CLCA4: variants seen among roughly 807,000 people sequenced by gnomAD.
The protein encoded by CLCA4 is calcium-activated chloride channel regulator 4.
A neutral mutation model predicts 78.9 loss-of-function variants in CLCA4; 69 were observed. The ratio of observed to expected loss-of-function variants is 0.87; its 90% CI spans 0.72 to 1.07. The LOEUF is 1.07. Among genes scored for constraint, CLCA4 ranks in the 50% least tolerant of loss-of-function variants. The pLI, the probability that CLCA4 is intolerant of heterozygous loss-of-function variation, is 0.00. For synonymous variants in CLCA4, 362 were observed against 375.8 expected, an observed-to-expected ratio of 0.96 and a Z score of 0.42; for missense variants, 1,133 against 1,095.8, an observed-to-expected ratio of 1.03 and a Z score of -0.48.
At chr1:86,551,128 G>A (rs1329154650) in intron 1 of CLCA4, among the ~76,000 whole-genome samples, 1 of 152,124 alleles carries the variant, frequency 6.6e-6, no homozygotes, top group East Asian at 1.9e-4. Context: ...ACCGCACCCA[G>A]CCTCTTTTTT....
At chr1:86,562,680 C>G (rs918550801) in intron 3 of CLCA4, among the ~76,000 whole-genome samples, 1 of 151,760 alleles carries the variant, frequency 6.6e-6, no homozygotes. Flanking sequence ...TGGTGAAACC[C>G]CATCTCTACG....
rs549029959 is a variant in CLCA4, at chr1:86,561,528, T to C, written c.448+1170T>C. The stretch of plus-strand genomic sequence containing the variant: ...CTACTCAACAATATTTTTACTCAGC[T>C]CTTCTCAACTCTCTTTCTCAATTCC... On this transcript the variant is annotated intron_variant, in intron 3 of 13. Coordinates refer to ENST00000370563, the MANE Select transcript of CLCA4 (RefSeq NM_012128.4). 7.9e-5 allele frequency among the ~76,000 whole-genome samples: 12 copies of C among 152,196 alleles called. No homozygotes were observed. The South Asian group carries it at 2.5e-3, about 32-fold the overall frequency.
intron 6 of CLCA4, among the ~76,000 whole-genome samples, chr1:86,566,303 T>C (rs956184208): frequency 7.9e-5 from 12 of 151,976 alleles, no homozygotes; most frequent in African/African-American, 2.9e-4. Context: ...TTCCCAACAA[T>C]GTCCTGCGCA....
intron 7 of CLCA4, 78 bp downstream of exon 7, chr1:86,567,729 C>A: frequency 1.8e-6 from 2 of 1,119,326 alleles, no homozygotes; most frequent in Non-Finnish European, 1.3e-6. Context: ...ACTGCACATG[C>A]TTGCTTGCTG....
chr1:86,579,978 T>C lies in CLCA4; in HGVS notation c.2393T>C (p.Leu798Pro), dbSNP rs767240042. The C allele has an allele frequency of 3.4e-5, 55 of 1,601,434 alleles. 1 individual carries two copies. In the East Asian group the frequency reaches 1.2e-3, roughly 35 times the overall value. ...ATCATAAGAATAAGTGCAAGTATTC[T>C]TGATCTAAGAGACAGTTTTGATGAT... is the stretch of plus-strand genomic sequence containing the variant. ...RYIIRISASI[L>P]DLRDSFDDAL... is the part of the protein sequence containing the mutation. Residue 798 changes from leucine to proline, a missense_variant, in exon 14 of 14, where the codon CTT (leucine) becomes CCT (proline). Transcript: ENST00000370563.
chr1:86,577,784 G>C (rs758176442), intron 11 of CLCA4, 118 bp from the exon 12 acceptor site: 9 of 716,130 alleles, frequency 1.3e-5, no homozygotes, highest in Middle Eastern at 3.7e-4. Flanking sequence ...TTCTCCAAAG[G>C]GTCAATCTAA....
At chr1:86,574,844 T>G (rs1650461753) in intron 10 of CLCA4, 89 bp downstream of exon 10, 2 of 912,888 alleles carry the variant, frequency 2.2e-6, no homozygotes, top group East Asian at 4.9e-5. Flanking sequence ...TACCAAAGGC[T>G]GTATCAACTT....
At chr1:86,570,267 C>A (rs571468991) in intron 7 of CLCA4, among the ~76,000 whole-genome samples, 1 of 152,010 alleles carries the variant, frequency 6.6e-6, no homozygotes, top group African/African-American at 2.4e-5. Flanking sequence ...ACCTCTTGGC[C>A]TGGAATCAAG....
At chr1:86,555,862 T>C (rs1649825318) in intron 1 of CLCA4, among the ~76,000 whole-genome samples, 2 of 152,210 alleles carry the variant, frequency 1.3e-5, no homozygotes, top group South Asian at 4.1e-4. Flanking sequence ...TTGTGTCTTC[T>C]CTGACACAAT....
intron 1 of CLCA4, among the ~76,000 whole-genome samples, chr1:86,555,205 A>T (rs1341016895): frequency 6.6e-6 from 1 of 152,096 alleles, no homozygotes; most frequent in Non-Finnish European, 1.5e-5. Context: ...CAAGCTCTTA[A>T]GTTTAATTAG....
intron 3 of CLCA4, among the ~76,000 whole-genome samples, chr1:86,562,893 G>T (rs1342076566): frequency 6.8e-6 from 1 of 148,102 alleles, no homozygotes; most frequent in Admixed American, 6.7e-5. Flanking sequence ...AAAAAGAAAA[G>T]AAACATGACT....
chr1:86,565,951 T>C lies in CLCA4; in HGVS notation c.885T>C (p.Pro295=). The C allele has an allele frequency of 6.2e-7, 1 of 1,613,364 alleles. No individual in the cohort carries two copies. The highest frequency in any genetic ancestry group is 8.5e-7 in the Non-Finnish European group (1 of 1,179,434). ...TIPMVTPPPP[P]VFSLLKISQR... is the part of the protein sequence containing the mutation. ...CCATGGTGACACCACCTCCTCCACCTGTCTTCTCATTGCTGAAGATCAGTC... is the reference window on the plus strand; with the variant it reads ...CCATGGTGACACCACCTCCTCCACCCGTCTTCTCATTGCTGAAGATCAGTC... The change falls in exon 6 of 14, where the codon CCT becomes CCC. Residue 295 remains proline, a synonymous_variant. Coordinates refer to ENST00000370563, the MANE Select transcript of CLCA4 (RefSeq NM_012128.4).
intron 5 of CLCA4, 70 bp from the exon 6 acceptor site, chr1:86,565,732 T>C: frequency 1.0e-6 from 1 of 954,276 alleles, no homozygotes; most frequent in Non-Finnish European, 1.5e-6. Context: ...TTTTAAATTT[T>C]TCAGGTTTGT....
At chr1:86,551,123 A>G (rs1001162334) in intron 1 of CLCA4, among the ~76,000 whole-genome samples, 6 of 151,764 alleles carry the variant, frequency 4.0e-5, no homozygotes, top group Non-Finnish European at 7.4e-5. Context: ...GAGCCACCGC[A>G]CCCAGCCTCT....
intron 1 of CLCA4, chr1:86,553,105 C>T (rs1352696900): frequency 9.4e-6 from 7 of 743,406 alleles, no homozygotes; most frequent in African/African-American, 8.7e-5. Context: ...CTGGGGTGTG[C>T]GCCGTATCCC....
rs372557354 is a variant in CLCA4 at position 86,571,208 on chromosome 1, G to A, written c.1314G>A (p.Leu438=). The A allele has an allele frequency of 1.9e-6, 3 of 1,612,594 alleles. No homozygotes were observed. Among genetic ancestry groups the A allele is most frequent in the East Asian group, 2.2e-5 (1 of 44,862 alleles). The change falls in exon 8 of 14, where the codon TTG becomes TTA. Residue 438 remains leucine, a synonymous_variant. Coordinates refer to ENST00000370563, the MANE Select transcript of CLCA4 (RefSeq NM_012128.4). ...GGGCCATTGTTCATTTTATTGCTTT[G>A]GGAAGAGCTGCTGATGAAGCAGTAA... is the stretch of plus-strand genomic sequence containing the variant. The part of the protein sequence containing the change: ...QSGAIVHFIA[L]GRAADEAVIE...
At position 86,560,378 on chromosome 1, in the gene CLCA4, A is replaced by T; in HGVS notation, c.448+20A>T. The T allele has an allele frequency of 6.2e-7, 1 of 1,612,708 alleles. No individual in the cohort carries two copies. Among genetic ancestry groups the T allele is most frequent in the Non-Finnish European group, 8.5e-7 (1 of 1,179,454 alleles). Reference sequence around the variant, plus strand: ...CACCAGGTAGAAATTTTGGTTAAAAAATAATTTTGCAGTGATTGCAGCATA... The same window carrying T: ...CACCAGGTAGAAATTTTGGTTAAAATATAATTTTGCAGTGATTGCAGCATA... On this transcript the variant is annotated intron_variant, in intron 3 of 13. Coordinates refer to ENST00000370563, the MANE Select transcript of CLCA4 (RefSeq NM_012128.4).
At position 86,574,650 on chromosome 1, in the gene CLCA4, G is replaced by GC. The variant is rs1304028646; in HGVS notation, c.1580dup (p.Pro528SerfsTer72). The GC allele has an allele frequency of 1.2e-6, 2 of 1,613,084 alleles. No individual in the cohort carries two copies. The highest frequency in any genetic ancestry group is 1.7e-6 in the Non-Finnish European group (2 of 1,179,470). ...TCTTTCTCATCACATGGAACAGTCT[G>GC]CCTCCCAGTATTTCTCTCTGGGATC... On this transcript the variant is annotated frameshift_variant, in exon 10 of 14. Coordinates refer to ENST00000370563, the MANE Select transcript of CLCA4 (RefSeq NM_012128.4). LOFTEE classifies it high-confidence loss of function.
At chr1:86,557,541 C>G (rs1325693479) in intron 1 of CLCA4, among the ~76,000 whole-genome samples, 1 of 152,094 alleles carries the variant, frequency 6.6e-6, no homozygotes, top group African/African-American at 2.4e-5. Context: ...TGTTCTTACT[C>G]TTGAATTCTA....
Sources: gnomAD v4.1 joint callset for allele counts (sites outside exome capture counted in the v4.1 genomes callset) on GRCh38, gnomAD v4.1.1 for gene constraint, MANE v1.5 for transcripts, NCBI Gene and HGNC (gene_info 2026-07-23, HGNC 2026-07-21) for gene names.